Variants in MBD5 observed in about 807,000 individuals in gnomAD.
The protein encoded by MBD5 is methyl-CpG binding domain protein 5, also known as methyl-CpG-binding domain protein 5.
A neutral mutation model predicts 117.3 loss-of-function variants in MBD5; 13 were observed. That is an observed-to-expected ratio of 0.11 (90% CI 0.07 to 0.18). MBD5 has a LOEUF of 0.18. Among genes scored for constraint, MBD5 ranks in the 10% least tolerant of loss-of-function variants. MBD5 has a pLI of 1.00. For missense variants in MBD5, 1,879 were observed against 2,093.8 expected (o/e 0.90, Z 2.00); for synonymous variants, 727 against 766.4 (o/e 0.95, Z 0.85).
At chr2:148,246,230 G>A (rs1422762085) in intron 3 of MBD5, among the ~76,000 whole-genome samples, 1 of 152,146 alleles carries the variant, frequency 6.6e-6, no homozygotes, top group Non-Finnish European at 1.5e-5. Flanking sequence ...TTTCAAGTTA[G>A]TCAGTTAGTG....
At chr2:148,066,435 C>A (rs1258544044) in intron 1 of MBD5, among the ~76,000 whole-genome samples, 1 of 151,290 alleles carries the variant, frequency 6.6e-6, no homozygotes, top group Non-Finnish European at 1.5e-5. Context: ...TTAGTGTTTT[C>A]TTCAGCAGTA....
intron 2 of MBD5, among the ~76,000 whole-genome samples, chr2:148,191,056 ACTAT>A (rs1698815062): frequency 6.9e-6 from 1 of 145,236 alleles, no homozygotes; most frequent in East Asian, 2.1e-4. Context: ...AGAGGAGCTA[ACTAT>A]CCTAAATATT....
At chr2:148,218,932 T>C (rs180951510) in intron 2 of MBD5, among the ~76,000 whole-genome samples, 56 of 152,310 alleles carry the variant, frequency 3.7e-4, no homozygotes, top group African/African-American at 1.3e-3. Flanking sequence ...TTATAAATAA[T>C]GTAGACTTAG....
intron 3 of MBD5, among the ~76,000 whole-genome samples, chr2:148,302,632 G>GTT (rs60974906): frequency 2.0e-5 from 3 of 151,484 alleles, no homozygotes; most frequent in African/African-American, 4.8e-5. Flanking sequence ...GTTTTTGTTT[G>GTT]TTTTTTTTCT....
At position 148,483,313 on chromosome 2, in the gene MBD5, A is replaced by C. The variant is rs1391862736; in HGVS notation, c.2722A>C (p.Asn908His). 6.2e-7 allele frequency: 1 copy of C among 1,613,952 alleles called. No individual in the cohort carries two copies. Among genetic ancestry groups the C allele is most frequent in the South Asian group, 1.1e-5 (1 of 91,080 alleles). The change falls in exon 9 of 14, where the codon AAC becomes CAC. Residue 908 changes from asparagine to histidine, a missense_variant. By Grantham distance (68) the Asn-to-His change is moderately conservative. Transcript: ENST00000642680. ...LHFPSNSTSN[N>H]HLPHPLNPSL... ...TTTTCCATCCAACAGCACTTCAAACAACCATCTTCCACACCCCTTGAACCC... is the reference window on the plus strand; with the variant it reads ...TTTTCCATCCAACAGCACTTCAAACCACCATCTTCCACACCCCTTGAACCC...
At position 148,021,481 on chromosome 2, in the gene MBD5, T is replaced by TTGC. The variant is rs773118482; in HGVS notation, c.-1114_-1112dup. 6.6e-5 allele frequency: 38 copies of TTGC among 573,532 alleles called. No homozygotes were observed. Among genetic ancestry groups the TTGC allele is most frequent in the African/African-American group, 1.5e-4 (8 of 52,746 alleles). The allele number at this position is 573,532 out of a possible 1,614,324, so 35.5% of individuals were successfully genotyped here. Reference sequence around the variant, plus strand: ...GCTGCTGTTGCTGCTGCTGCTGCTGTTGCTGCTGCTGCTGCTACTGCTGCT... The same window carrying TTGC: ...GCTGCTGTTGCTGCTGCTGCTGCTGTTGCTGCTGCTGCTGCTGCTACTGCTGCT... On this transcript the variant is annotated 5_prime_UTR_variant, in exon 1 of 14. Transcript: ENST00000642680.
rs772614166 is a variant in MBD5, at chr2:148,322,527, C to A, written c.-679-19687C>A. Reference sequence around the variant, plus strand: ...TTAATCTATCTTCATATTCAGACTCCTATTTTTTCCTACTTTAAAATGTAA... The same window carrying A: ...TTAATCTATCTTCATATTCAGACTCATATTTTTTCCTACTTTAAAATGTAA... On this transcript the variant is annotated intron_variant, in intron 3 of 13. Coordinates refer to ENST00000642680, the MANE Select transcript of MBD5 (RefSeq NM_001378120.1). Among the ~76,000 whole-genome samples, 8 of 152,092 alleles carry A rather than the reference C, an allele frequency of 5.3e-5. No individual in the cohort carries two copies. In the East Asian group the frequency reaches 5.8e-4, roughly 11 times the overall value.
intron 2 of MBD5, among the ~76,000 whole-genome samples, chr2:148,180,343 C>CATACATATATATATAT (rs1553481823): frequency 2.8e-5 from 3 of 105,544 alleles, no homozygotes; most frequent in South Asian, 3.3e-4. Context: ...AAAAATTATA[C>CATACATATATATATAT]ATATATATAT....
chr2:148,168,046 G>A (rs1029149494), intron 1 of MBD5, among the ~76,000 whole-genome samples: 6 of 152,128 alleles, frequency 3.9e-5, no homozygotes, highest in South Asian at 2.1e-4. Context: ...GGCTGAATCC[G>A]AAAGGGGGCA....
chr2:148,303,360 G>C (rs189147917), intron 3 of MBD5, among the ~76,000 whole-genome samples: 20 of 152,300 alleles, frequency 1.3e-4, no homozygotes, highest in African/African-American at 4.6e-4. Context: ...AAGTTGGTAG[G>C]GAAAAGTCTG....
At chr2:148,250,836 C>T (rs1409626277) in intron 3 of MBD5, among the ~76,000 whole-genome samples, 1 of 152,158 alleles carries the variant, frequency 6.6e-6, no homozygotes, top group Non-Finnish European at 1.5e-5. Flanking sequence ...CAATGTCACT[C>T]GGAGGAGCCT....
chr2:148,516,724 A>T lies in MBD5; in HGVS notation c.*3783A>T, dbSNP rs1010448923. ...TATATAAAAAGCATTATCTTCAAAT[A>T]TGAAAGATTAATTTGTATCTACTGT... On this transcript the variant is annotated 3_prime_UTR_variant, in exon 14 of 14. Transcript: ENST00000642680. The T allele has an allele frequency of 1.3e-5, 2 of 152,248 alleles. No homozygotes were observed. The highest frequency in any genetic ancestry group is 4.8e-5 in the African/African-American group (2 of 41,476). The allele number at this position is 152,248 out of a possible 1,614,324, so 9.4% of individuals were successfully genotyped here.
chr2:148,210,049 A>G (rs575015568), intron 2 of MBD5, among the ~76,000 whole-genome samples: 2 of 152,336 alleles, frequency 1.3e-5, no homozygotes, highest in Admixed American at 1.3e-4. Context: ...TTTGTTTTTC[A>G]TTGCTTTTTA....
chr2:148,463,705 G>T, intron 6 of MBD5, 34 bp from the exon 7 acceptor site: 1 of 1,609,090 alleles, frequency 6.2e-7, no homozygotes, highest in East Asian at 2.2e-5. Context: ...TGTTTTTACA[G>T]ACATATTCTA....
intron 4 of MBD5, among the ~76,000 whole-genome samples, chr2:148,348,156 C>T (rs114695672): frequency 5.5e-4 from 83 of 152,110 alleles, no homozygotes; most frequent in Non-Finnish European, 9.1e-4. Flanking sequence ...ATATTAGACC[C>T]TGAAGGACTG....
intron 2 of MBD5, among the ~76,000 whole-genome samples, chr2:148,204,764 A>G (rs2105975381): frequency 6.6e-6 from 1 of 152,312 alleles, no homozygotes; most frequent in Non-Finnish European, 1.5e-5. Context: ...CTCAACAAAT[A>G]TAAAGACAGT....
intron 12 of MBD5, among the ~76,000 whole-genome samples, chr2:148,505,269 G>A (rs1209780605): frequency 6.6e-6 from 1 of 152,204 alleles, no homozygotes; most frequent in Non-Finnish European, 1.5e-5. Flanking sequence ...GTTCAGTACA[G>A]TTTGGGGTGC....
At chr2:148,196,229 A>G (rs1371722852) in intron 2 of MBD5, 2 of 152,116 alleles carry the variant, frequency 1.3e-5, no homozygotes, top group African/African-American at 2.4e-5. Flanking sequence ...GAAAGAATGT[A>G]TAGGAGGTAA....
At position 148,482,978 on chromosome 2, in the gene MBD5, A is replaced by G. The variant is rs1210782528; in HGVS notation, c.2519-132A>G. Reference sequence around the variant, plus strand: ...ATGTCAAGTGATCTGATTACAATTAATCTAGTTACAATCAATGAAGGTGCC... The same window carrying G: ...ATGTCAAGTGATCTGATTACAATTAGTCTAGTTACAATCAATGAAGGTGCC... On this transcript the variant is annotated intron_variant, in intron 8 of 13. Transcript: ENST00000642680. 10 of 940,032 alleles carry G rather than the reference A, an allele frequency of 1.1e-5. No homozygotes were observed. In the Admixed American group the frequency reaches 1.4e-4, roughly 13 times the overall value. The allele number at this position is 940,032 out of a possible 1,614,324, so 58.2% of individuals were successfully genotyped here.
Sources: allele counts gnomAD v4.1 joint callset (sites outside exome capture counted in the v4.1 genomes callset), GRCh38; gene constraint gnomAD v4.1.1; transcripts MANE v1.5; gene names NCBI Gene and HGNC (gene_info 2026-07-23, HGNC 2026-07-21).